Variants in PTPRD observed in about 807,000 individuals in gnomAD.
The protein encoded by PTPRD is receptor-type tyrosine-protein phosphatase delta.
PTPRD carries 34 observed loss-of-function variants against 214.5 expected under a neutral mutation model. The observed-to-expected ratio is 0.16, with a 90% confidence interval of 0.12 to 0.21. PTPRD has a LOEUF of 0.21. Ranked by LOEUF, PTPRD falls within the 10% of genes least tolerant of loss-of-function variation. The probability of loss-of-function intolerance (pLI) is 1.00; values close to 1 mark genes in which losing one functional copy is unlikely to be tolerated. For missense variants in PTPRD, 2,545 were observed against 2,398.7 expected, an observed-to-expected ratio of 1.06 and a Z score of -1.27; for synonymous variants, 1,128 against 845.7, an observed-to-expected ratio of 1.33 and a Z score of -5.79.
intron 7 of PTPRD, among the ~76,000 whole-genome samples, chr9:9,714,365 G>C (rs180837573): frequency 5.3e-4 from 80 of 152,250 alleles, no homozygotes; most frequent in Non-Finnish European, 9.9e-4. Flanking sequence ...GATTGACTTG[G>C]CTTCTGTCCA....
chr9:10,229,273 T>C (rs1029630227), intron 3 of PTPRD, among the ~76,000 whole-genome samples: 2 of 152,008 alleles, frequency 1.3e-5, no homozygotes, highest in Admixed American at 6.6e-5. Context: ...ACTAGTTCAA[T>C]CATTGTGGAA....
intron 5 of PTPRD, among the ~76,000 whole-genome samples, chr9:9,818,915 C>CAAAAAA (rs58616042): frequency 1.1e-5 from 1 of 89,338 alleles, no homozygotes; most frequent in Admixed American, 1.2e-4. Context: ...GACACTGTCT[C>CAAAAAA]AAAAAAAAAA....
At chr9:10,553,375 T>C (rs1357785140) in intron 2 of PTPRD, among the ~76,000 whole-genome samples, 3 of 151,460 alleles carry the variant, frequency 2.0e-5, no homozygotes, top group Non-Finnish European at 4.4e-5. Context: ...AAAGATGTAA[T>C]GGTTATACAG....
At chr9:8,650,656 T>C (rs72700314) in intron 12 of PTPRD, among the ~76,000 whole-genome samples, 2 of 151,746 alleles carry the variant, frequency 1.3e-5, no homozygotes, top group East Asian at 3.9e-4. Flanking sequence ...ACTTAAAAAA[T>C]ATACTGAAAA....
intron 12 of PTPRD, among the ~76,000 whole-genome samples, chr9:8,639,025 T>C (rs1489395087): frequency 6.6e-6 from 1 of 152,038 alleles, no homozygotes; most frequent in Non-Finnish European, 1.5e-5. Flanking sequence ...GTATTTTTAG[T>C]AGAGACAGAG....
At chr9:10,014,480 G>C (rs2096661100) in intron 4 of PTPRD, among the ~76,000 whole-genome samples, 1 of 151,946 alleles carries the variant, frequency 6.6e-6, no homozygotes, top group African/African-American at 2.4e-5. Flanking sequence ...TATTCAAATG[G>C]TTGTTTTCTA....
At chr9:8,546,250 G>C (rs1316598347) in intron 14 of PTPRD, among the ~76,000 whole-genome samples, 2 of 152,166 alleles carry the variant, frequency 1.3e-5, no homozygotes, top group Non-Finnish European at 2.9e-5. Flanking sequence ...GGATGAGAGA[G>C]CTAGAAACCA....
At chr9:9,735,647 C>G (rs1009458833) in intron 6 of PTPRD, among the ~76,000 whole-genome samples, 8 of 152,044 alleles carry the variant, frequency 5.3e-5, no homozygotes, top group Non-Finnish European at 1.0e-4. Context: ...TGTCTAAAAT[C>G]ATTTGAGAAG....
At chr9:10,024,632 AT>A (rs2096885901) in intron 4 of PTPRD, among the ~76,000 whole-genome samples, 1 of 151,560 alleles carries the variant, frequency 6.6e-6, no homozygotes, top group Admixed American at 6.6e-5. Flanking sequence ...TTTTTTTTAA[AT>A]TTTATTATTA....
intron 12 of PTPRD, among the ~76,000 whole-genome samples, chr9:8,703,760 G>A (rs2098140580): frequency 6.6e-6 from 1 of 152,066 alleles, no homozygotes; most frequent in Non-Finnish European, 1.5e-5. Context: ...CGACTTCCAA[G>A]AGAATATCCC....
intron 2 of PTPRD, among the ~76,000 whole-genome samples, chr9:10,583,664 G>C (rs2072874173): frequency 6.6e-6 from 1 of 151,738 alleles, no homozygotes; most frequent in Admixed American, 6.6e-5. Context: ...ATTTTTAGTA[G>C]AGACAGAGTT....
intron 6 of PTPRD, among the ~76,000 whole-genome samples, chr9:9,755,259 G>T (rs998107555): frequency 6.6e-6 from 1 of 151,956 alleles, no homozygotes; most frequent in Non-Finnish European, 1.5e-5. Flanking sequence ...GGTGATAAAT[G>T]ATCATCTCCC....
At chr9:10,254,160 TTTTG>T (rs1296344828) in intron 3 of PTPRD, among the ~76,000 whole-genome samples, 1 of 152,184 alleles carries the variant, frequency 6.6e-6, no homozygotes, top group Non-Finnish European at 1.5e-5. Flanking sequence ...AGTTTTAAAT[TTTTG>T]TTTATTTACC....
chr9:10,462,717 A>AAAAGAAGG (rs1056640736), intron 2 of PTPRD, among the ~76,000 whole-genome samples: 2 of 149,670 alleles, frequency 1.3e-5, no homozygotes, highest in African/African-American at 5.1e-5. Context: ...CTAAAGGAAA[A>AAAAGAAGG]AAAAGAAGGA....
At chr9:9,914,382 G>A (rs2080080889) in intron 5 of PTPRD, among the ~76,000 whole-genome samples, 4 of 152,098 alleles carry the variant, frequency 2.6e-5, no homozygotes. Flanking sequence ...ATATGTCTTG[G>A]GCCTTGAGCT....
chr9:8,862,029 A>ATCTGT (rs1288226857), intron 11 of PTPRD: 2 of 152,198 alleles, frequency 1.3e-5, no homozygotes, highest in African/African-American at 4.8e-5. Context: ...ATTTCTCAGT[A>ATCTGT]GCTTGCTTTG....
chr9:10,460,660 T>C (rs1052624294), intron 2 of PTPRD, among the ~76,000 whole-genome samples: 1 of 152,130 alleles, frequency 6.6e-6, no homozygotes, highest in Non-Finnish European at 1.5e-5. Flanking sequence ...GATTTACATA[T>C]CTGGATTTAC....
At chr9:9,648,144 T>A (rs1210552381) in intron 7 of PTPRD, among the ~76,000 whole-genome samples, 1 of 152,150 alleles carries the variant, frequency 6.6e-6, no homozygotes, top group Non-Finnish European at 1.5e-5. Flanking sequence ...TAATGCATAT[T>A]ACAAATATGT....
intron 7 of PTPRD, among the ~76,000 whole-genome samples, chr9:9,706,847 G>C (rs533889131): frequency 7.2e-5 from 11 of 152,116 alleles, no homozygotes; most frequent in African/African-American, 2.7e-4. Flanking sequence ...AATGGGGCGA[G>C]GTAGGTAGTG....
Sources: allele counts gnomAD v4.1 joint callset (sites outside exome capture counted in the v4.1 genomes callset), GRCh38; gene constraint gnomAD v4.1.1; transcripts MANE v1.5; gene names NCBI Gene and HGNC (gene_info 2026-07-23, HGNC 2026-07-21).